Variants in POLN observed in about 807,000 individuals in gnomAD.
POLN encodes the protein DNA polymerase nu, also known as DNA polymerase N.
Under a neutral mutation model 113.5 loss-of-function variants are expected in POLN, and 108 were observed. That is an observed-to-expected ratio of 0.95 (90% CI 0.81 to 1.12). The LOEUF (loss-of-function observed/expected upper bound fraction) is 1.12, where lower values mean the gene tolerates loss of function less well. Ranked by LOEUF, POLN falls within the 50% of genes most tolerant of loss-of-function variation. POLN has a pLI of 0.00. For synonymous variants in POLN, 386 were observed against 391.5 expected, an observed-to-expected ratio of 0.99 and a Z score of 0.17; for missense variants, 1,097 against 1,077.1, an observed-to-expected ratio of 1.02 and a Z score of -0.26.
chr4:2,203,064 A>C (rs1400630760), intron 5 of POLN, among the ~76,000 whole-genome samples: 1 of 152,232 alleles, frequency 6.6e-6, no homozygotes, highest in African/African-American at 2.4e-5. Flanking sequence ...TCATCAGTGC[A>C]TGGAACTTTC....
At position 2,126,108 on chromosome 4, in the gene POLN, G is replaced by A. The variant is rs1322615209; in HGVS notation, c.1982+2005C>T. 1.3e-5 allele frequency among the ~76,000 whole-genome samples: 2 copies of A among 152,160 alleles called. No homozygotes were observed. The highest frequency in any genetic ancestry group is 1.3e-4 in the Admixed American group (2 of 15,272). ...TGCCCAAAAGCTGGCCTTGGCTCCTGGTGCCCTGGACCCCACCATGTGCTG... is the reference window on the plus strand; with the variant it reads ...TGCCCAAAAGCTGGCCTTGGCTCCTAGTGCCCTGGACCCCACCATGTGCTG... On this transcript the variant is annotated intron_variant, in intron 19 of 25. Coordinates refer to ENST00000511885, the MANE Select transcript of POLN (RefSeq NM_181808.4). This position sits in a 1 kb window ranked among gnomAD's most constrained non-coding sequence, Gnocchi z 4.6.
chr4:2,157,891 G>A lies in POLN; in HGVS notation c.1632C>T (p.Thr544=). ...TGCAAGCTAGTAATCCATCTACAAA[G>A]GTTGACTTGATCTTGTGAACCTAAG... ...EYRQVHKIKS[T]FVDGLLACMK... The change falls in exon 15 of 26, where the codon ACC becomes ACT. Residue 544 remains threonine (T), a synonymous_variant. Coordinates refer to ENST00000511885, the MANE Select transcript of POLN (RefSeq NM_181808.4). The A allele has an allele frequency of 6.2e-7, 1 of 1,607,690 alleles. No homozygotes were observed. The highest frequency in any genetic ancestry group is 1.7e-4 in the Middle Eastern group (1 of 5,988).
intron 15 of POLN, among the ~76,000 whole-genome samples, chr4:2,157,310 G>C (rs1349251876): frequency 6.6e-6 from 1 of 152,192 alleles, no homozygotes; most frequent in Non-Finnish European, 1.5e-5. Context: ...AGATGCAATC[G>C]TGGATGTGAA....
intron 19 of POLN, among the ~76,000 whole-genome samples, chr4:2,111,097 A>G (rs1366604143): frequency 6.6e-6 from 1 of 152,220 alleles, no homozygotes; most frequent in Non-Finnish European, 1.5e-5. Flanking sequence ...TATGAAAATC[A>G]ATAAACATAA....
In POLN at chr4:2,127,232, G is replaced by A. The variant is rs1421547551; in HGVS notation, c.1982+881C>T. 2.6e-5 allele frequency among the ~76,000 whole-genome samples: 4 copies of A among 151,952 alleles called. No individual in the cohort carries two copies. Among genetic ancestry groups the A allele is most frequent in the Non-Finnish European group, 5.9e-5 (4 of 67,978 alleles). ...GGTGGCACCTGCAGCTGATGAGGGA[G>A]GGGACAGTGACTCAGACACACGGAC... On this transcript the variant is annotated intron_variant, in intron 19 of 25. Transcript: ENST00000511885. The surrounding 1 kb of genome is among the most constrained non-coding windows in gnomAD (Gnocchi z 4.7).
intron 13 of POLN, among the ~76,000 whole-genome samples, chr4:2,170,271 C>T (rs35994091): frequency 0.01 from 1,539 of 152,244 alleles, 30 homozygotes; most frequent in African/African-American, 0.036. Flanking sequence ...TACTCCTTGT[C>T]TTCAAAAAAA....
intron 16 of POLN, among the ~76,000 whole-genome samples, chr4:2,135,203 T>C (rs1689538182): frequency 6.6e-6 from 1 of 152,156 alleles, no homozygotes; most frequent in Admixed American, 6.5e-5. Context: ...AAGAGAGTAC[T>C]TCAGGCCCCT....
At chr4:2,240,397 T>C (rs371531159) in intron 2 of POLN, 1 of 1,612,090 alleles carries the variant, frequency 6.2e-7, no homozygotes, top group East Asian at 2.2e-5. Flanking sequence ...TGACCTAAAT[T>C]AGAATGTCTG....
At position 2,156,803 on chromosome 4, in the gene POLN, A is replaced by ATTC; in HGVS notation, c.1715_1716insGAA (p.Leu572_Ser573insAsn). ...AACAACTTACAGGATGCTTGGCTGA[A>ATTC]AGTCTTCCAGTCACAGTTCCAGTCT... On this transcript the variant is annotated inframe_insertion, in exon 16 of 26. Transcript: ENST00000511885. The ATTC allele has an allele frequency of 1.9e-6, 3 of 1,613,108 alleles. No individual in the cohort carries two copies. Among genetic ancestry groups the ATTC allele is most frequent in the Non-Finnish European group, 2.5e-6 (3 of 1,178,982 alleles).
intron 19 of POLN, among the ~76,000 whole-genome samples, chr4:2,106,702 C>T (rs1176228777): frequency 6.6e-6 from 1 of 152,174 alleles, no homozygotes; most frequent in African/African-American, 2.4e-5. Flanking sequence ...AATGCTTATA[C>T]ATATCCCAGT....
In POLN at chr4:2,127,549, C is replaced by A. The variant is rs542087379; in HGVS notation, c.1982+564G>T. On this transcript the variant is annotated intron_variant, in intron 19 of 25. Coordinates refer to ENST00000511885, the MANE Select transcript of POLN (RefSeq NM_181808.4). This position sits in a 1 kb window ranked among gnomAD's most constrained non-coding sequence, Gnocchi z 4.7. ...CGTCTCTCCATCCTGCTTTGGAGAC[C>A]GGAGCAGGTATTCCACCAGGAGGAA... 6.6e-6 allele frequency among the ~76,000 whole-genome samples: 1 copy of A among 152,036 alleles called. No individual in the cohort carries two copies. The highest frequency in any genetic ancestry group is 1.5e-5 in the Non-Finnish European group (1 of 67,990).
intron 20 of POLN, chr4:2,089,225 C>G: frequency 5.2e-6 from 8 of 1,532,578 alleles, no homozygotes; most frequent in Non-Finnish European, 6.2e-6. Context: ...TTGTATACAT[C>G]AATTGTTTCT....
rs566388711 is a variant in POLN, at chr4:2,192,177, C to T, written c.1021+1027G>A. ...AATTGTTGAAACTGGGTGATGCCTA[C>T]TTTTGTATATGTTAGAAATTTTTGA... On this transcript the variant is annotated intron_variant, in intron 7 of 25. Coordinates refer to ENST00000511885, the MANE Select transcript of POLN (RefSeq NM_181808.4). 2.0e-5 allele frequency among the ~76,000 whole-genome samples: 3 copies of T among 150,186 alleles called. No homozygotes were observed. The South Asian group carries it at 6.3e-4, about 32-fold the overall frequency.
At chr4:2,121,471 G>T (rs1731441654) in intron 19 of POLN, among the ~76,000 whole-genome samples, 1 of 146,280 alleles carries the variant, frequency 6.8e-6, no homozygotes, top group African/African-American at 2.5e-5. Context: ...ATATATCCAG[G>T]GAAGCCATCT....
intron 2 of POLN, among the ~76,000 whole-genome samples, chr4:2,235,837 T>G (rs1400656706): frequency 6.6e-6 from 1 of 152,170 alleles, no homozygotes; most frequent in Non-Finnish European, 1.5e-5. Flanking sequence ...AGTCACTCTT[T>G]GAGGATGAGA....
intron 19 of POLN, among the ~76,000 whole-genome samples, chr4:2,119,692 G>T (rs1731397651): frequency 6.6e-6 from 1 of 152,062 alleles, no homozygotes; most frequent in African/African-American, 2.4e-5. Context: ...CAAACAATAA[G>T]GCATTTACAT....
chr4:2,087,315 T>C (rs1411022762), intron 20 of POLN, among the ~76,000 whole-genome samples: 1 of 152,358 alleles, frequency 6.6e-6, no homozygotes, highest in South Asian at 2.1e-4. Flanking sequence ...TCTATGACTC[T>C]TTCTTTCTGT....
At chr4:2,123,892 AAAC>A (rs1377707704) in intron 19 of POLN, among the ~76,000 whole-genome samples, 1 of 152,082 alleles carries the variant, frequency 6.6e-6, no homozygotes, top group Non-Finnish European at 1.5e-5. Flanking sequence ...CAAAAAGTGG[AAAC>A]AACCCAAATG....
intron 13 of POLN, among the ~76,000 whole-genome samples, chr4:2,168,781 T>A (rs565375662): frequency 6.6e-6 from 1 of 152,344 alleles, no homozygotes; most frequent in African/African-American, 2.4e-5. Flanking sequence ...AGATGCTGCT[T>A]CCAGGAACCA....
Sources: allele counts gnomAD v4.1 joint callset (sites outside exome capture counted in the v4.1 genomes callset), GRCh38; gene constraint gnomAD v4.1.1; non-coding constraint Gnocchi (gnomAD v3.1); transcripts MANE v1.5; gene names NCBI Gene and HGNC (gene_info 2026-07-23, HGNC 2026-07-21).